The following SLC30A8 variants were observed in gnomAD, a reference collection of about 807,000 sequenced individuals.
SLC30A8 encodes solute carrier family 30 member 8.
In SLC30A8, 27 loss-of-function variants were observed where a neutral mutation model predicts 36.9. The observed-to-expected ratio is 0.73, with a 90% CI of 0.54 to 1.01. The LOEUF is 1.01. Among genes scored for constraint, SLC30A8 ranks in the 50% least tolerant of loss-of-function variants. The pLI, the probability that SLC30A8 is intolerant of heterozygous loss-of-function variation, is 0.00. For missense variants in SLC30A8, 439 were observed against 452.0 expected (o/e 0.97, Z 0.26); for synonymous variants, 164 against 172.4 (o/e 0.95, Z 0.38).
chr8:116,999,690 T>A (rs1248257032), intron 1 of SLC30A8, among the ~76,000 whole-genome samples: 1 of 152,226 alleles, frequency 6.6e-6, no homozygotes, highest in Non-Finnish European at 1.5e-5. Context: ...TGAGGTTTCC[T>A]GTTTCTGATA....
intron 4 of SLC30A8, 52 bp from the exon 5 acceptor site, chr8:117,161,686 A>T (rs1052434060): frequency 6.5e-7 from 1 of 1,539,966 alleles, no homozygotes; most frequent in African/African-American, 1.4e-5. Context: ...TATGCTGCCT[A>T]CGTTTTTAAG....
intron 1 of SLC30A8, among the ~76,000 whole-genome samples, chr8:116,994,593 C>T (rs866501843): frequency 3.3e-5 from 5 of 152,174 alleles, no homozygotes; most frequent in African/African-American, 9.6e-5. Context: ...TAATCTATGC[C>T]GATTCAAACA....
chr8:117,019,137 CACA>C (rs1563750651), intron 1 of SLC30A8, among the ~76,000 whole-genome samples: 1 of 152,146 alleles, frequency 6.6e-6, no homozygotes, highest in Non-Finnish European at 1.5e-5. Flanking sequence ...TTGAGATTAT[CACA>C]ACAATCCCCA....
chr8:117,060,547 A>C (rs1412151856), intron 2 of SLC30A8, among the ~76,000 whole-genome samples: 2 of 152,158 alleles, frequency 1.3e-5, no homozygotes, highest in African/African-American at 4.8e-5. Context: ...TATTGCAATA[A>C]AAATTTTATT....
At position 117,083,452 on chromosome 8, in the gene SLC30A8, G is replaced by C. The variant is rs145583172; in HGVS notation, c.-226+44194G>C. Reference sequence around the variant, plus strand: ...CCAGGTCCCTTGCCTTAAGGTGAGAGAACTGTGAAGAACCATTTGAGCTCC... The same window carrying C: ...CCAGGTCCCTTGCCTTAAGGTGAGACAACTGTGAAGAACCATTTGAGCTCC... On this transcript the variant is annotated intron_variant, in intron 2 of 10. Coordinates refer to the SLC30A8 transcript ENST00000427715. 3.7e-3 allele frequency among the ~76,000 whole-genome samples: 556 copies of C among 152,276 alleles called. 5 individuals carry two copies. The highest frequency in any genetic ancestry group is 0.012 in the African/African-American group (506 of 41,560).
At chr8:117,069,989 T>C (rs561776853) in intron 2 of SLC30A8, among the ~76,000 whole-genome samples, 1 of 152,378 alleles carries the variant, frequency 6.6e-6, no homozygotes, top group African/African-American at 2.4e-5. Flanking sequence ...TTTTTATCAA[T>C]TTATATGTGA....
At chr8:117,013,384 A>G (rs1247854813) in intron 1 of SLC30A8, among the ~76,000 whole-genome samples, 2 of 152,208 alleles carry the variant, frequency 1.3e-5, no homozygotes, top group African/African-American at 2.4e-5. Flanking sequence ...ATTTAATAAC[A>G]AAAGACTGGG....
intron 1 of SLC30A8, among the ~76,000 whole-genome samples, chr8:117,029,712 T>C (rs1011159140): frequency 1.3e-5 from 2 of 152,188 alleles, no homozygotes; most frequent in African/African-American, 4.8e-5. Context: ...ATTACAGGAA[T>C]TGAACAGAAA....
At chr8:117,119,029 CCT>C (rs1371552074) in intron 2 of SLC30A8, among the ~76,000 whole-genome samples, 2 of 151,814 alleles carry the variant, frequency 1.3e-5, no homozygotes, top group Non-Finnish European at 1.5e-5. Context: ...AAGTTAGCCT[CCT>C]TTTGTTTGGC....
intron 1 of SLC30A8, among the ~76,000 whole-genome samples, chr8:116,956,632 A>G (rs990920211): frequency 1.3e-5 from 2 of 152,204 alleles, no homozygotes; most frequent in Non-Finnish European, 1.5e-5. Flanking sequence ...GGATGCCATA[A>G]AAAAATCAAT....
At chr8:117,138,778 A>T (rs1821487633) in intron 1 of SLC30A8, among the ~76,000 whole-genome samples, 1 of 151,960 alleles carries the variant, frequency 6.6e-6, no homozygotes, top group East Asian at 1.9e-4. Context: ...TCAGTGCTCC[A>T]CTTGTGGAGC....
chr8:117,045,983 C>T (rs1770811695), intron 2 of SLC30A8, among the ~76,000 whole-genome samples: 1 of 150,876 alleles, frequency 6.6e-6, no homozygotes, highest in East Asian at 1.9e-4. Context: ...GAAAATATCC[C>T]ATAGAATTAA....
intron 1 of SLC30A8, among the ~76,000 whole-genome samples, chr8:117,028,553 T>C (rs1816941897): frequency 6.6e-6 from 1 of 151,286 alleles, no homozygotes; most frequent in African/African-American, 2.4e-5. Flanking sequence ...CACCACAGTT[T>C]TTTTTTTTTT....
At chr8:117,061,011 C>G (rs1318127074) in intron 2 of SLC30A8, among the ~76,000 whole-genome samples, 1 of 152,056 alleles carries the variant, frequency 6.6e-6, no homozygotes, top group East Asian at 1.9e-4. Context: ...AATTAGAAGA[C>G]TTCTTTAGTA....
intron 1 of SLC30A8, among the ~76,000 whole-genome samples, chr8:116,998,222 A>G (rs1280949776): frequency 6.6e-6 from 1 of 152,214 alleles, no homozygotes; most frequent in African/African-American, 2.4e-5. Flanking sequence ...ATCAAGGCAA[A>G]CATCTTCAAA....
intron 1 of SLC30A8, among the ~76,000 whole-genome samples, chr8:117,004,321 A>C (rs1816103995): frequency 6.6e-6 from 1 of 152,242 alleles, no homozygotes; most frequent in Admixed American, 6.5e-5. Flanking sequence ...ACTGGGAGAC[A>C]CATTTTGAAT....
intron 3 of SLC30A8, among the ~76,000 whole-genome samples, 180 bp downstream of exon 3, chr8:117,153,270 G>T (rs1429413134): frequency 6.6e-6 from 1 of 152,180 alleles, no homozygotes; most frequent in Non-Finnish European, 1.5e-5. Flanking sequence ...TCAGATAACA[G>T]ACAGATTAAT....
intron 1 of SLC30A8, among the ~76,000 whole-genome samples, chr8:116,975,315 G>GA (rs781296660): frequency 2.6e-5 from 4 of 152,098 alleles, no homozygotes; most frequent in Non-Finnish European, 5.9e-5. Context: ...TAGTATAAAA[G>GA]AAAAATAAAC....
chr8:117,100,205 A>G (rs1819646534), intron 2 of SLC30A8, among the ~76,000 whole-genome samples: 1 of 152,188 alleles, frequency 6.6e-6, no homozygotes, highest in Non-Finnish European at 1.5e-5. Flanking sequence ...TATATCATTT[A>G]GTATTTACAA....
Sources: gnomAD v4.1 joint callset for allele counts (sites outside exome capture counted in the v4.1 genomes callset) on GRCh38, gnomAD v4.1.1 for gene constraint, MANE v1.5 for transcripts, NCBI Gene and HGNC (gene_info 2026-07-23, HGNC 2026-07-21) for gene names.